The following GMCL1 variants were observed in gnomAD, a reference collection of about 807,000 sequenced individuals.
GMCL1 encodes germ cell-less 1, spermatogenesis associated, also known as germ cell-less protein-like 1.
In GMCL1, 54 loss-of-function variants were observed where a neutral mutation model predicts 75.5. The observed-to-expected ratio is 0.71, with a 90% CI of 0.57 to 0.90. The LOEUF (loss-of-function observed/expected upper bound fraction) is 0.90. GMCL1 is among the 40% of genes least tolerant of loss of function. The probability of loss-of-function intolerance (pLI) is 0.00; values close to 1 mark genes in which losing one functional copy is unlikely to be tolerated. For missense variants in GMCL1, 537 were observed against 622.7 expected (o/e 0.86, Z 1.47); for synonymous variants, 210 against 209.6 (o/e 1.00, Z -0.02).
intron 13 of GMCL1, among the ~76,000 whole-genome samples, chr2:69,875,381 A>G (rs1159136024): frequency 2.0e-5 from 3 of 152,168 alleles, no homozygotes; most frequent in Non-Finnish European, 4.4e-5. Context: ...TTTAAAATGC[A>G]TTTTAATATT....
chr2:69,865,305 T>C (rs1166019823), intron 11 of GMCL1, among the ~76,000 whole-genome samples: 2 of 152,222 alleles, frequency 1.3e-5, no homozygotes, highest in African/African-American at 4.8e-5. Context: ...GTTACAGTTG[T>C]CCTAAATCAA....
intron 3 of GMCL1, 148 bp from the exon 4 acceptor site, chr2:69,840,794 T>C (rs758061207): frequency 4.2e-5 from 20 of 477,024 alleles, no homozygotes; most frequent in Non-Finnish European, 7.4e-5. Context: ...ACTAGCGTTT[T>C]AATTAGAGAT....
intron 13 of GMCL1, among the ~76,000 whole-genome samples, chr2:69,872,444 A>C (rs1676008316): frequency 6.6e-6 from 1 of 152,256 alleles, no homozygotes. Flanking sequence ...ATTAAAAGTA[A>C]TCATCATTCC....
At chr2:69,871,373 A>G (rs550956625) in intron 12 of GMCL1, among the ~76,000 whole-genome samples, 1 of 152,286 alleles carries the variant, frequency 6.6e-6, no homozygotes, top group South Asian at 2.1e-4. Context: ...GGGAAGGGAA[A>G]GTGGGGAGTT....
intron 5 of GMCL1, 102 bp downstream of exon 5, chr2:69,843,363 A>G: frequency 1.6e-6 from 1 of 608,546 alleles, no homozygotes; most frequent in South Asian, 2.1e-5. Flanking sequence ...AGAATTAAGG[A>G]AAAATAGGAT....
intron 7 of GMCL1, among the ~76,000 whole-genome samples, chr2:69,849,233 C>T (rs1041221527): frequency 6.6e-6 from 1 of 152,018 alleles, no homozygotes; most frequent in Admixed American, 6.6e-5. Context: ...CATAGTGGTG[C>T]GATCATGGCT....
chr2:69,866,573 A>G (rs1407096063), intron 11 of GMCL1, among the ~76,000 whole-genome samples: 1 of 152,126 alleles, frequency 6.6e-6, no homozygotes, highest in Non-Finnish European at 1.5e-5. Flanking sequence ...GACTAAAAGC[A>G]ACAGTCTCTG....
chr2:69,829,720 G>A lies in GMCL1; in HGVS notation c.-173G>A. ...GTGCTAGAGCGCGGCGCGACCGGAC[G>A]CTGCGGGCGGGGAAGAGGATGGAGA... On this transcript the variant is annotated 5_prime_UTR_variant, in exon 1 of 14. Coordinates refer to ENST00000282570, the MANE Select transcript of GMCL1 (RefSeq NM_178439.5). 2.8e-6 allele frequency: 2 copies of A among 712,332 alleles called. No individual in the cohort carries two copies. The highest frequency in any genetic ancestry group is 6.4e-5 in the Admixed American group (2 of 31,334). The allele number at this position is 712,332 out of a possible 1,614,324, so 44.1% of individuals were successfully genotyped here.
chr2:69,866,344 A>C (rs1446491484), intron 11 of GMCL1, among the ~76,000 whole-genome samples: 1 of 152,008 alleles, frequency 6.6e-6, no homozygotes, highest in East Asian at 1.9e-4. Flanking sequence ...CCCCTAACTA[A>C]TCATAATTTT....
At chr2:69,852,503 G>T (rs533511340) in intron 8 of GMCL1, among the ~76,000 whole-genome samples, 2 of 151,666 alleles carry the variant, frequency 1.3e-5, no homozygotes, top group East Asian at 3.9e-4. Context: ...AAAATCACCT[G>T]TGATCCCTCA....
chr2:69,846,832 T>G (rs1339905902), intron 6 of GMCL1, among the ~76,000 whole-genome samples: 1 of 152,048 alleles, frequency 6.6e-6, no homozygotes, highest in Non-Finnish European at 1.5e-5. Context: ...AGTGTCTTTT[T>G]TTTTTTGGTT....
chr2:69,863,815 A>C (rs1196338920), intron 10 of GMCL1, among the ~76,000 whole-genome samples: 1 of 152,222 alleles, frequency 6.6e-6, no homozygotes. Flanking sequence ...CTAAATGTGC[A>C]CTAAATTCTT....
intron 13 of GMCL1, among the ~76,000 whole-genome samples, chr2:69,875,741 C>G (rs1358997577): frequency 6.6e-6 from 1 of 151,286 alleles, no homozygotes. Context: ...TGTCGCCAGG[C>G]TGGAATGCAG....
chr2:69,846,233 C>T (rs1464725516), intron 6 of GMCL1, among the ~76,000 whole-genome samples: 1 of 152,006 alleles, frequency 6.6e-6, no homozygotes, highest in Non-Finnish European at 1.5e-5. Context: ...ATTTGAAAAT[C>T]GTTAGAAACA....
chr2:69,874,861 C>T (rs946421829), intron 13 of GMCL1, among the ~76,000 whole-genome samples: 5 of 151,972 alleles, frequency 3.3e-5, no homozygotes, highest in African/African-American at 1.2e-4. Flanking sequence ...CGCACCTCAG[C>T]CTCACAAGTA....
At chr2:69,849,558 T>C in intron 7 of GMCL1, 94 bp from the exon 8 acceptor site, 1 of 726,756 alleles carries the variant, frequency 1.4e-6, no homozygotes, top group Non-Finnish European at 2.2e-6. Context: ...ATTTTTTAGC[T>C]ATTATATTTT....
At chr2:69,865,071 C>G (rs1675771903) in intron 11 of GMCL1, 96 bp downstream of exon 11, 4 of 865,970 alleles carry the variant, frequency 4.6e-6, no homozygotes, top group African/African-American at 3.4e-5. Context: ...TGTCATACCT[C>G]AGAAGAGCTT....
At chr2:69,844,240 AT>A (rs1184650040) in intron 6 of GMCL1, 44 bp downstream of exon 6, 2 of 1,058,696 alleles carry the variant, frequency 1.9e-6, no homozygotes, top group Admixed American at 4.7e-5. Flanking sequence ...ATCCTAAAAT[AT>A]TGTTTATCAT....
rs754036673 is a variant in GMCL1, at chr2:69,869,818, T to G, written c.1318T>G (p.Cys440Gly). 17 of 1,613,938 alleles carry G rather than the reference T, an allele frequency of 1.1e-5. No homozygotes were observed. The African/African-American group carries it at 1.7e-4, about 16-fold the overall frequency. The stretch of plus-strand genomic sequence containing the variant: ...CAAACGCAATACACTGAATCAGCCA[T>G]GTAGCGGATCTGTCAGTTTACAGCC... ...IFKRNTLNQP[C>G]SGSVSLQPRR... The change falls in exon 12 of 14, where the codon TGT becomes GGT. Residue 440 changes from cysteine (C) to glycine (G), a missense_variant. Cys to Gly is a radical substitution (Grantham distance 159). Coordinates refer to ENST00000282570, the MANE Select transcript of GMCL1 (RefSeq NM_178439.5).
Sources: allele counts gnomAD v4.1 joint callset (sites outside exome capture counted in the v4.1 genomes callset), GRCh38; gene constraint gnomAD v4.1.1; transcripts MANE v1.5; gene names NCBI Gene and HGNC (gene_info 2026-07-23, HGNC 2026-07-21).